The following ZNF219 variants were observed in gnomAD, a reference collection of about 807,000 sequenced individuals.
ZNF219 encodes zinc finger protein 219.
Under a neutral mutation model 54.4 loss-of-function variants are expected in ZNF219, and 17 were observed. The ratio of observed to expected loss-of-function variants is 0.31; its 90% CI spans 0.21 to 0.47. The LOEUF (loss-of-function observed/expected upper bound fraction) is 0.47. ZNF219 is among the 20% of genes least tolerant of loss of function. The pLI is 1.00. For missense variants in ZNF219, 1,014 were observed against 1,062.3 expected (o/e 0.95, Z 0.63); for synonymous variants, 518 against 476.4 (o/e 1.09, Z -1.14).
intron 4 of ZNF219, 87 bp from the exon 5 acceptor site, chr14:21,091,227 T>C: frequency 6.6e-7 from 1 of 1,519,848 alleles, no homozygotes; most frequent in South Asian, 1.3e-5. Flanking sequence ...GACCTCATTC[T>C]CAGAACCAAG....
upstream of ZNF219, chr14:21,101,224 G>A: frequency 1.1e-6 from 1 of 881,194 alleles, no homozygotes; most frequent in South Asian, 1.6e-5. Flanking sequence ...CTGGATATTG[G>A]GAGTGGGCAG....
rs913463891 is a variant in ZNF219 at position 21,090,352 on chromosome 14, C to T, written c.*184G>A. Reference sequence around the variant, plus strand: ...TGCCACTTCTAAGGCACTGTGACTCCCTTGGGCTGGGTGGGTACCGCCAGC... The same window carrying T: ...TGCCACTTCTAAGGCACTGTGACTCTCTTGGGCTGGGTGGGTACCGCCAGC... On this transcript the variant is annotated 3_prime_UTR_variant, in exon 5 of 5. Coordinates refer to ENST00000360947, the MANE Select transcript of ZNF219 (RefSeq NM_016423.3). This position sits in a 1 kb window ranked among gnomAD's most constrained non-coding sequence, Gnocchi z 4.4. 5 of 794,588 alleles carry T rather than the reference C, an allele frequency of 6.3e-6. No homozygotes were observed. The highest frequency in any genetic ancestry group is 4.6e-5 in the South Asian group (3 of 65,254). 49.2% of individuals were successfully genotyped at this position (794,588 alleles called of 1,614,324 possible).
upstream of ZNF219, chr14:21,102,212 C>T: frequency 6.9e-7 from 1 of 1,453,720 alleles, no homozygotes; most frequent in South Asian, 1.4e-5. Flanking sequence ...TAAGTGTTGA[C>T]TCATTCTCTC....
chr14:21,094,575 G>A (rs893173005), intron 1 of ZNF219: 18 of 371,046 alleles, frequency 4.9e-5, no homozygotes, highest in Non-Finnish European at 6.4e-5. Flanking sequence ...GACGGGGGGC[G>A]GGGCTGGGCC....
At chr14:21,098,687 AGGGAGCGGGGGT>A, upstream of ZNF219, 1 of 654,510 alleles carries the variant, frequency 1.5e-6, no homozygotes, top group Non-Finnish European at 2.0e-6. Flanking sequence ...GGAGGAAGGG[AGGGAGCGGGGGT>A]GGGGCGCACA....
upstream of ZNF219, chr14:21,101,901 C>T: frequency 6.4e-7 from 1 of 1,551,618 alleles, no homozygotes; most frequent in Non-Finnish European, 8.7e-7. Flanking sequence ...TGTGGTGCCC[C>T]TTGCTGTCTC....
intron 1 of ZNF219, among the ~76,000 whole-genome samples, chr14:21,095,829 G>GA (rs1162278558): frequency 6.6e-6 from 1 of 152,126 alleles, no homozygotes; most frequent in Non-Finnish European, 1.5e-5. Flanking sequence ...ACTGAAAATA[G>GA]AAAGAGCTAA....
upstream of ZNF219, chr14:21,098,755 G>T (rs1014658104): frequency 4.8e-6 from 6 of 1,247,790 alleles, no homozygotes; most frequent in Non-Finnish European, 6.2e-6. Flanking sequence ...AGGTCATCTC[G>T]TCCTTCCCCC....
At chr14:21,094,811 A>T (rs2139316171) in intron 1 of ZNF219, among the ~76,000 whole-genome samples, 1 of 147,768 alleles carries the variant, frequency 6.8e-6, no homozygotes, top group Non-Finnish European at 1.5e-5. Context: ...AGATTCATGG[A>T]AACAGACCTG....
chr14:21,090,774 G>T lies in ZNF219; in HGVS notation c.1931C>A (p.Ala644Asp). ...GPGGEAGPGG[A>D]LHRCLFCPFA... ...CGGGCAGAAGAGGCAGCGGTGGAGG[G>T]CACCCCCAGGCCCGGCCTCGCCTCC... The change falls in exon 5 of 5, where the codon GCC becomes GAC. Residue 644 changes from alanine to aspartate, a missense_variant. Physicochemically the swap from Ala to Asp is moderately radical, Grantham distance 126. Transcript: ENST00000360947. The surrounding 1 kb of genome is among the most constrained non-coding windows in gnomAD (Gnocchi z 4.4). 6.3e-7 allele frequency: 1 copy of T among 1,599,528 alleles called. No homozygotes were observed. The highest frequency in any genetic ancestry group is 8.5e-7 in the Non-Finnish European group (1 of 1,173,954).
At chr14:21,099,143 G>T, upstream of ZNF219, 1 of 208,696 alleles carries the variant, frequency 4.8e-6, no homozygotes, top group Non-Finnish European at 1.0e-5. Flanking sequence ...CGCTGTGAGG[G>T]ATGAGAAAGA....
In ZNF219 at chr14:21,090,438, C is replaced by G; in HGVS notation, c.*98G>C. The G allele has an allele frequency of 6.9e-7, 1 of 1,445,016 alleles. No homozygotes were observed. Among genetic ancestry groups the G allele is most frequent in the Non-Finnish European group, 9.3e-7 (1 of 1,077,822 alleles). The allele number at this position is 1,445,016 out of a possible 1,614,324, so 89.5% of individuals were successfully genotyped here. On this transcript the variant is annotated 3_prime_UTR_variant, in exon 5 of 5. Transcript: ENST00000360947. This position sits in a 1 kb window ranked among gnomAD's most constrained non-coding sequence, Gnocchi z 4.4. ...GTCCGCCTGGGGCTGGGATATGGGTCCCACGCTGCCCCCTGCTGGCTTCTC... is the reference window on the plus strand; with the variant it reads ...GTCCGCCTGGGGCTGGGATATGGGTGCCACGCTGCCCCCTGCTGGCTTCTC...
Position 21,090,746 on chromosome 14 carries a change from G to T in ZNF219, c.1959C>A (p.Phe653Leu). ...GALHRCLFCPFATGAPELMAL... is the reference protein window; with the variant it reads ...GALHRCLFCPLATGAPELMAL... Reference sequence around the variant, plus strand: ...CCATGAGCTCTGGGGCTCCAGTGGCGAACGGGCAGAAGAGGCAGCGGTGGA... The same window carrying T: ...CCATGAGCTCTGGGGCTCCAGTGGCTAACGGGCAGAAGAGGCAGCGGTGGA... The change falls in exon 5 of 5, where the codon TTC becomes TTA. Residue 653 changes from phenylalanine (F) to leucine (L), a missense_variant. This residue lies in a region of ZNF219 where 281 missense variants were observed against 271.2 expected (regional missense o/e 1.04). Transcript: ENST00000360947. The surrounding 1 kb of genome is among the most constrained non-coding windows in gnomAD (Gnocchi z 4.4). The T allele has an allele frequency of 6.2e-7, 1 of 1,607,722 alleles. No individual in the cohort carries two copies. Among genetic ancestry groups the T allele is most frequent in the East Asian group, 2.2e-5 (1 of 44,614 alleles).
Position 21,090,885 on chromosome 14 carries a change from C to A in ZNF219, c.1820G>T (p.Arg607Leu). The A allele has an allele frequency of 6.4e-7, 1 of 1,550,486 alleles. No homozygotes were observed. The highest frequency in any genetic ancestry group is 8.7e-7 in the Non-Finnish European group (1 of 1,150,118). Residue 607 changes from arginine to leucine, a missense_variant, in exon 5 of 5, where the codon CGG becomes CTG. Coordinates refer to ENST00000360947, the MANE Select transcript of ZNF219 (RefSeq NM_016423.3). The surrounding 1 kb of genome is among the most constrained non-coding windows in gnomAD (Gnocchi z 4.4). ...PSSGAGPGSR[R>L]KPASPGRTLR... is the part of the protein sequence containing the mutation. ...GGTCCTCCCAGGGCTGGCGGGCTTC[C>A]GACGGGACCCCGGCCCAGCACCGCT...
rs769554730 is a variant in ZNF219, at chr14:21,092,249, C to A, written c.1048G>T (p.Gly350Cys). 2.1e-6 allele frequency: 3 copies of A among 1,462,334 alleles called. No homozygotes were observed. Among genetic ancestry groups the A allele is most frequent in the Admixed American group, 2.5e-5 (1 of 40,290 alleles). 90.6% of individuals were successfully genotyped at this position (1,462,334 alleles called of 1,614,324 possible). A position where few individuals can be genotyped will look rare whatever the true frequency, so the allele number is the denominator to read the frequency against. Reference protein sequence around the residue: ...PARAPQPPDLGLLAYEPLGPA... With the variant: ...PARAPQPPDLCLLAYEPLGPA... ...CCCAACGGCTCATAGGCCAGCAGGCCGAGGTCAGGAGGCTGGGGGGCGCGG... is the reference window on the plus strand; with the variant it reads ...CCCAACGGCTCATAGGCCAGCAGGCAGAGGTCAGGAGGCTGGGGGGCGCGG... The change falls in exon 3 of 5, where the codon GGC becomes TGC. Residue 350 changes from glycine (G) to cysteine (C), a missense_variant. By Grantham distance (159) the Gly-to-Cys change is radical. Transcript: ENST00000360947.
In ZNF219 at chr14:21,092,543, G is replaced by T; in HGVS notation, c.754C>A (p.Pro252Thr). The T allele has an allele frequency of 6.5e-7, 1 of 1,545,840 alleles. No homozygotes were observed. The change falls in exon 3 of 5, where the codon CCC (proline) becomes ACC (threonine). Residue 252 changes from proline to threonine, a missense_variant. Coordinates refer to ENST00000360947, the MANE Select transcript of ZNF219 (RefSeq NM_016423.3). ...GGGGTCGGGGTTGCCTCACGTTCGG[G>T]CTCCGGCTCCGGCTCCGGCTGGGGG... is the stretch of plus-strand genomic sequence containing the variant. Reference protein sequence around the residue: ...SVPQPEPEPEPEREATPTPAP... With the variant: ...SVPQPEPEPETEREATPTPAP...
upstream of ZNF219, among the ~76,000 whole-genome samples, chr14:21,100,471 C>A (rs1889563016): frequency 6.6e-6 from 1 of 152,132 alleles, no homozygotes; most frequent in East Asian, 1.9e-4. Context: ...GGCACCTTCT[C>A]TCTCAAAAAT....
At position 21,092,116 on chromosome 14, in the gene ZNF219, T is replaced by A; in HGVS notation, c.1181A>T (p.Glu394Val). Residue 394 changes from glutamate (E) to valine (V), a missense_variant, in exon 3 of 5, where the codon GAG (glutamate) becomes GTG (valine). By Grantham distance (121) the Glu-to-Val change is moderately radical. Coordinates refer to ENST00000360947, the MANE Select transcript of ZNF219 (RefSeq NM_016423.3). ...GCGGCCGGGACCGGGCTCAGCACCC[T>A]CGCCGTTGGGCCGGCCCTCGCCAGC... is the stretch of plus-strand genomic sequence containing the variant. ...LRAGEGRPNG[E>V]GAEPGPGRSF... 6.6e-7 allele frequency: 1 copy of A among 1,524,830 alleles called. No homozygotes were observed. The highest frequency in any genetic ancestry group is 8.8e-7 in the Non-Finnish European group (1 of 1,137,944). The allele number at this position is 1,524,830 out of a possible 1,614,324, so 94.5% of individuals were successfully genotyped here. A position where few individuals can be genotyped will look rare whatever the true frequency, so the allele number is the denominator to read the frequency against.
rs2139308191 is a variant in ZNF219 at position 21,093,295 on chromosome 14, G to A, written c.7-5C>T. 6.4e-7 allele frequency: 1 copy of A among 1,571,104 alleles called. No homozygotes were observed. Among genetic ancestry groups the A allele is most frequent in the African/African-American group, 1.4e-5 (1 of 73,810 alleles). Reference sequence around the variant, plus strand: ...CGGGGCGCGGGGACGTGAGCCCTGTGGAGAAAGATCTGCGTAGAGCAAAGG... The same window carrying A: ...CGGGGCGCGGGGACGTGAGCCCTGTAGAGAAAGATCTGCGTAGAGCAAAGG... On this transcript the variant is annotated splice_region_variant and splice_polypyrimidine_tract_variant and intron_variant, in intron 2 of 4. Transcript: ENST00000360947.
Sources: gnomAD v4.1 joint callset for allele counts (sites outside exome capture counted in the v4.1 genomes callset) on GRCh38, gnomAD v4.1.1 for gene constraint, gnomAD v4.1.1 regional missense constraint, Gnocchi (gnomAD v3.1) non-coding constraint, MANE v1.5 for transcripts, NCBI Gene and HGNC (gene_info 2026-07-23, HGNC 2026-07-21) for gene names.